The following MCPH1 variants were observed in gnomAD, a reference collection of about 807,000 sequenced individuals.
The protein encoded by MCPH1 is microcephalin 1.
In MCPH1, 104 loss-of-function variants were observed where a neutral mutation model predicts 84.5. The observed-to-expected ratio is 1.23, with a 90% CI of 1.05 to 1.45. The LOEUF (loss-of-function observed/expected upper bound fraction) is 1.45, where lower values mean the gene tolerates loss of function less well. Ranked by LOEUF, MCPH1 falls within the 40% of genes most tolerant of loss-of-function variation. The probability of loss-of-function intolerance (pLI) is 0.00; values close to 1 mark genes in which losing one functional copy is unlikely to be tolerated. For missense variants in MCPH1, 1,498 were observed against 1,005.7 expected, an observed-to-expected ratio of 1.49 and a Z score of -6.62; for synonymous variants, 514 against 366.8, an observed-to-expected ratio of 1.40 and a Z score of -4.58.
intron 13 of MCPH1, chr8:6,625,220 C>G: frequency 1.0e-6 from 1 of 985,430 alleles, no homozygotes; most frequent in Non-Finnish European, 1.2e-6. Flanking sequence ...ATGTATAAAA[C>G]AGAGTCATAG....
chr8:6,559,675 G>GA (rs200850023), intron 12 of MCPH1, among the ~76,000 whole-genome samples: 2,118 of 151,462 alleles, frequency 0.014, 19 homozygotes, highest in Non-Finnish European at 0.018. Context: ...CCTCTTATCA[G>GA]AAAAAAAAAT....
At chr8:6,541,727 G>A (rs942365641) in intron 12 of MCPH1, among the ~76,000 whole-genome samples, 1 of 152,116 alleles carries the variant, frequency 6.6e-6, no homozygotes, top group African/African-American at 2.4e-5. Context: ...TGTAGGGCCG[G>A]GCATAGTGGC....
Position 6,444,773 on chromosome 8 carries a change from A to T in MCPH1, c.1051A>T (p.Ser351Cys), listed in dbSNP as rs1804031150. The T allele has an allele frequency of 6.2e-7, 1 of 1,613,974 alleles. No homozygotes were observed. Among genetic ancestry groups the T allele is most frequent in the Admixed American group, 1.7e-5 (1 of 60,008 alleles). ...GHLLIHSRPR[S>C]SSVKRKRVSH... The stretch of plus-strand genomic sequence containing the variant: ...CCTTTTGATACATTCAAGACCCAGG[A>T]GTTCCTCAGTAAAGAGAAAAAGAGT... Residue 351 changes from serine (S) to cysteine (C), a missense_variant, in exon 8 of 14, where the codon AGT becomes TGT. Transcript: ENST00000344683.
At chr8:6,631,189 C>A (rs2912064) in intron 13 of MCPH1, among the ~76,000 whole-genome samples, 1 of 152,026 alleles carries the variant, frequency 6.6e-6, no homozygotes, top group Admixed American at 6.5e-5. Context: ...CAGACATGAT[C>A]TGTTCTAGTC....
At chr8:6,464,648 C>G (rs951548491) in intron 9 of MCPH1, among the ~76,000 whole-genome samples, 3 of 152,150 alleles carry the variant, frequency 2.0e-5, no homozygotes, top group African/African-American at 7.2e-5. Context: ...AGGACATTTC[C>G]CACTGGGAGA....
chr8:6,564,005 G>A (rs12541109), intron 12 of MCPH1, among the ~76,000 whole-genome samples: 12,562 of 144,006 alleles, frequency 0.087, 694 homozygotes, highest in African/African-American at 0.15. Flanking sequence ...TTTTTGAGAC[G>A]GAGTCTCGCT....
At chr8:6,489,333 C>T (rs923996491) in intron 11 of MCPH1, among the ~76,000 whole-genome samples, 12 of 151,714 alleles carry the variant, frequency 7.9e-5, no homozygotes, top group Non-Finnish European at 1.3e-4. Flanking sequence ...CAGGGGGACC[C>T]GGGAACGGCT....
At chr8:6,625,268 G>A (rs984692111) in intron 13 of MCPH1, 28 of 985,348 alleles carry the variant, frequency 2.8e-5, no homozygotes, top group Admixed American at 1.8e-4. Context: ...GTTAAAGGAG[G>A]AAACACAGAG....
chr8:6,409,219 T>A (rs1798193945), intron 1 of MCPH1, 60 bp from the exon 2 acceptor site: 1 of 1,378,016 alleles, frequency 7.3e-7, no homozygotes. Context: ...GAACAAAATC[T>A]ATTGGGCAGG....
intron 12 of MCPH1, among the ~76,000 whole-genome samples, chr8:6,599,524 A>C (rs1829204539): frequency 1.3e-5 from 2 of 152,366 alleles, no homozygotes; most frequent in South Asian, 4.1e-4. Flanking sequence ...ATGGAGACAA[A>C]AACCTGAAAT....
At chr8:6,593,300 C>G (rs1478645933) in intron 12 of MCPH1, among the ~76,000 whole-genome samples, 1 of 151,908 alleles carries the variant, frequency 6.6e-6, no homozygotes, top group Non-Finnish European at 1.5e-5. Context: ...TCAGGCTGGT[C>G]TCAAACTCCT....
chr8:6,567,701 G>A (rs890129284), intron 12 of MCPH1, among the ~76,000 whole-genome samples: 1 of 152,094 alleles, frequency 6.6e-6, no homozygotes, highest in African/African-American at 2.4e-5. Flanking sequence ...AGTTGTGGGT[G>A]TCCAGTAACA....
chr8:6,634,013 C>G (rs1030564781), intron 13 of MCPH1, among the ~76,000 whole-genome samples: 1 of 152,062 alleles, frequency 6.6e-6, no homozygotes, highest in African/African-American at 2.4e-5. Flanking sequence ...CATACATGAC[C>G]TGAAGAAACA....
intron 13 of MCPH1, among the ~76,000 whole-genome samples, chr8:6,630,781 TAA>T (rs1235237864): frequency 1.7e-5 from 1 of 58,330 alleles, no homozygotes; most frequent in Admixed American, 1.9e-4. Context: ...AACTCTGTCC[TAA>T]AAAAAAAAAA....
intron 12 of MCPH1, among the ~76,000 whole-genome samples, chr8:6,572,065 T>A (rs575766413): frequency 6.6e-6 from 1 of 152,230 alleles, no homozygotes; most frequent in South Asian, 2.1e-4. Context: ...ATGTTCCATT[T>A]CAAGTAAGGG....
chr8:6,492,392 G>C (rs1054439597), intron 11 of MCPH1, among the ~76,000 whole-genome samples: 4 of 151,776 alleles, frequency 2.6e-5, no homozygotes, highest in Admixed American at 1.3e-4. Flanking sequence ...CAGATGAGTA[G>C]ATTGCAAAAA....
At chr8:6,407,502 A>C (rs1797909885) in intron 1 of MCPH1, among the ~76,000 whole-genome samples, 1 of 152,112 alleles carries the variant, frequency 6.6e-6, no homozygotes, top group African/African-American at 2.4e-5. Context: ...CACCTGGAAG[A>C]GCCCAGGAGA....
At position 6,597,759 on chromosome 8, in the gene MCPH1, G is replaced by A. The variant is rs111352656; in HGVS notation, c.2215-23695G>A. 2.1e-4 allele frequency among the ~76,000 whole-genome samples: 32 copies of A among 152,160 alleles called. 1 individual carries two copies. The highest frequency in any genetic ancestry group is 7.0e-4 in the African/African-American group (29 of 41,500). On this transcript the variant is annotated intron_variant, in intron 12 of 13. Coordinates refer to ENST00000344683, the MANE Select transcript of MCPH1 (RefSeq NM_024596.5). ...TTTTCTCATCCTCACACCTCACTGC[G>A]CCCCTCCTGAACCCACTCCTTTCTG...
chr8:6,440,570 C>T (rs907693794), intron 6 of MCPH1, among the ~76,000 whole-genome samples: 4 of 152,164 alleles, frequency 2.6e-5, no homozygotes, highest in South Asian at 4.2e-4. Flanking sequence ...TTTGAGTCAT[C>T]TTATTGTCAC....
Sources: allele counts gnomAD v4.1 joint callset (sites outside exome capture counted in the v4.1 genomes callset), GRCh38; gene constraint gnomAD v4.1.1; transcripts MANE v1.5; gene names NCBI Gene and HGNC (gene_info 2026-07-23, HGNC 2026-07-21).